The following TAF13 variants were observed in gnomAD, a reference collection of about 807,000 sequenced individuals.
TAF13 encodes TATA-box binding protein associated factor 13, also known as transcription initiation factor TFIID subunit 13.
TAF13 carries 9 observed loss-of-function variants against 18.7 expected under a neutral mutation model. The observed-to-expected ratio is 0.48, with a 90% confidence interval of 0.29 to 0.84. TAF13 has a LOEUF of 0.84. Among genes scored for constraint, TAF13 ranks in the 40% least tolerant of loss-of-function variants. The pLI, the probability that TAF13 is intolerant of heterozygous loss-of-function variation, is 0.08. For synonymous variants in TAF13, 49 were observed against 44.1 expected (o/e 1.11, Z -0.44); for missense variants, 105 against 146.5 (o/e 0.72, Z 1.46).
chr1:109,071,586 A>G (rs1664053274), intron 2 of TAF13, among the ~76,000 whole-genome samples: 1 of 152,058 alleles, frequency 6.6e-6, no homozygotes, highest in Admixed American at 6.6e-5. Flanking sequence ...CTCCAGCCCC[A>G]GTGACAGAAG....
rs2102104311 is a variant in TAF13 at position 109,064,468 on chromosome 1, AC to A, written c.*54del. The A allele has an allele frequency of 7.7e-7, 1 of 1,297,478 alleles. No homozygotes were observed. The highest frequency in any genetic ancestry group is 1.5e-5 in the African/African-American group (1 of 65,948). 80.4% of individuals were successfully genotyped at this position (1,297,478 alleles called of 1,614,324 possible). On this transcript the variant is annotated 3_prime_UTR_variant, in exon 4 of 4. Transcript: ENST00000338366. Reference sequence around the variant, plus strand: ...ATCAGAATCTTACTTTAGAAAATATACAATTATTATATATGGTTTCCCCAGA... The same window carrying A: ...ATCAGAATCTTACTTTAGAAAATATAAATTATTATATATGGTTTCCCCAGA...
In TAF13 at chr1:109,067,800, T is replaced by A. The variant is rs117922204; in HGVS notation, c.107-1568A>T. Among the ~76,000 whole-genome samples the A allele has an allele frequency of 2.2e-3, 329 of 152,316 alleles. 5 individuals are homozygous for A. The highest frequency in any genetic ancestry group is 0.016 in the Admixed American group (242 of 15,280). On this transcript the variant is annotated intron_variant, in intron 2 of 3. Coordinates refer to ENST00000338366, the MANE Select transcript of TAF13 (RefSeq NM_005645.4). ...AATGATCCTTTAAGGTAGAAACTAT[T>A]GATTATCCCCATTCTATAGATGAGA...
chr1:109,075,780 A>G, intron 1 of TAF13, 141 bp downstream of exon 1: 1 of 1,062,614 alleles, frequency 9.4e-7, no homozygotes, highest in South Asian at 1.4e-5. Context: ...TTCTAAAATG[A>G]TCAATCCTTA....
chr1:109,074,779 CAA>C (rs35227534), intron 2 of TAF13, among the ~76,000 whole-genome samples: 16 of 105,020 alleles, frequency 1.5e-4, no homozygotes, highest in South Asian at 3.2e-4. Context: ...GACTCCGTCT[CAA>C]AAAAAAAAAA....
rs1416492178 is a variant in TAF13 at position 109,075,007 on chromosome 1, T to C, written c.86A>G (p.Lys29Arg). ...GGAEGGQGKR[K>R]RLFSKELRCM... ...CTTACATTCTTTAGAAAAAAGTCTC[T>C]TTCTTTTACCCTGTCCACCTTCTGC... The change falls in exon 2 of 4, where the codon AAG becomes AGG. Residue 29 changes from lysine (K) to arginine (R), a missense_variant. Coordinates refer to ENST00000338366, the MANE Select transcript of TAF13 (RefSeq NM_005645.4). 2 of 1,600,960 alleles carry C rather than the reference T, an allele frequency of 1.2e-6. No homozygotes were observed. The highest frequency in any genetic ancestry group is 1.7e-6 in the Non-Finnish European group (2 of 1,176,826).
chr1:109,065,178 T>C (rs574854403), intron 3 of TAF13, among the ~76,000 whole-genome samples: 20 of 152,218 alleles, frequency 1.3e-4, no homozygotes, highest in African/African-American at 4.8e-4. Context: ...GATTAAAAAA[T>C]AGAAGCTAAA....
At chr1:109,066,012 G>A (rs1663945571) in intron 3 of TAF13, 123 bp downstream of exon 3, 1 of 725,596 alleles carries the variant, frequency 1.4e-6, no homozygotes, top group South Asian at 1.8e-5. Flanking sequence ...AATAACTTCT[G>A]CAAACAAGCA....
chr1:109,075,163 G>C, intron 1 of TAF13, 98 bp from the exon 2 acceptor site: 1 of 987,612 alleles, frequency 1.0e-6, no homozygotes, highest in South Asian at 1.7e-5. Flanking sequence ...AGATAGGCCA[G>C]AAAGCCAAAG....
intron 1 of TAF13, among the ~76,000 whole-genome samples, chr1:109,075,348 C>T (rs1353999079): frequency 3.3e-5 from 5 of 152,092 alleles, no homozygotes; most frequent in Non-Finnish European, 7.4e-5. Context: ...ACTAAGGTGG[C>T]CTATTACTAC....
At chr1:109,068,402 A>G (rs1447066783) in intron 2 of TAF13, among the ~76,000 whole-genome samples, 5 of 151,764 alleles carry the variant, frequency 3.3e-5, no homozygotes, top group Non-Finnish European at 5.9e-5. Flanking sequence ...CTCCCAAATT[A>G]TTGGGATTAC....
chr1:109,071,300 G>A (rs1009546310), intron 2 of TAF13, among the ~76,000 whole-genome samples: 1 of 152,064 alleles, frequency 6.6e-6, no homozygotes, highest in Non-Finnish European at 1.5e-5. Flanking sequence ...AATTAGCCGG[G>A]CATGGTGGCA....
At chr1:109,071,735 T>A (rs1664055993) in intron 2 of TAF13, among the ~76,000 whole-genome samples, 2 of 151,646 alleles carry the variant, frequency 1.3e-5, no homozygotes, top group South Asian at 4.2e-4. Context: ...CGGCGGATCA[T>A]GAGGTCAAGA....
chr1:109,073,970 T>C (rs1327925468), intron 2 of TAF13, among the ~76,000 whole-genome samples: 1 of 151,820 alleles, frequency 6.6e-6, no homozygotes, highest in Non-Finnish European at 1.5e-5. Flanking sequence ...GGAGCGCCTC[T>C]GCCCGGCCAC....
rs1469890188 is a variant in TAF13 at position 109,066,377 on chromosome 1, G to A, written c.107-145C>T. 5 of 661,886 alleles carry A rather than the reference G, an allele frequency of 7.6e-6. No individual in the cohort carries two copies. The East Asian group carries it at 1.5e-4, about 20-fold the overall frequency. The allele number at this position is 661,886 out of a possible 1,614,324, so 41.0% of individuals were successfully genotyped here. On this transcript the variant is annotated intron_variant, in intron 2 of 3. Transcript: ENST00000338366. ...CATCGTATTTGTTATCTCCAAGTAT[G>A]GATTCTTGTGTAAAAGGTTTAAGAA...
At chr1:109,070,804 C>T (rs1201189825) in intron 2 of TAF13, among the ~76,000 whole-genome samples, 1 of 152,186 alleles carries the variant, frequency 6.6e-6, no homozygotes, top group African/African-American at 2.4e-5. Flanking sequence ...TTCCTGTCAT[C>T]ACAAAGTAAT....
At chr1:109,067,269 G>A (rs995013314) in intron 2 of TAF13, among the ~76,000 whole-genome samples, 1 of 151,868 alleles carries the variant, frequency 6.6e-6, no homozygotes, top group Non-Finnish European at 1.5e-5. Context: ...ACAAGCCTGG[G>A]CAACATGGCG....
At chr1:109,074,622 C>CA (rs1056149325) in intron 2 of TAF13, among the ~76,000 whole-genome samples, 17 of 151,644 alleles carry the variant, frequency 1.1e-4, no homozygotes, top group African/African-American at 2.9e-4. Flanking sequence ...TAAAAACACA[C>CA]AAAAAAAATT....
At chr1:109,071,979 CACAT>C (rs1245008585) in intron 2 of TAF13, among the ~76,000 whole-genome samples, 1 of 8,094 alleles carries the variant, frequency 1.2e-4, no homozygotes, top group African/African-American at 6.3e-4. Flanking sequence ...TATATATACA[CACAT>C]ATATATATAT....
At chr1:109,068,046 T>C (rs1382430535) in intron 2 of TAF13, among the ~76,000 whole-genome samples, 1 of 152,066 alleles carries the variant, frequency 6.6e-6, no homozygotes, top group Admixed American at 6.6e-5. Context: ...CAGGCTGGAG[T>C]GGTGTTGCAG....
Sources: gnomAD v4.1 joint callset for allele counts (sites outside exome capture counted in the v4.1 genomes callset) on GRCh38, gnomAD v4.1.1 for gene constraint, MANE v1.5 for transcripts, NCBI Gene and HGNC (gene_info 2026-07-23, HGNC 2026-07-21) for gene names.